The following SNX29 variants were observed in gnomAD, a reference collection of about 807,000 sequenced individuals.
SNX29 encodes the protein sorting nexin-29.
SNX29 carries 78 observed loss-of-function variants against 102.1 expected under a neutral mutation model. The ratio of observed to expected loss-of-function variants is 0.76; its 90% CI spans 0.64 to 0.92. The LOEUF (loss-of-function observed/expected upper bound fraction) is 0.92. Ranked by LOEUF, SNX29 falls within the 40% of genes least tolerant of loss-of-function variation. SNX29 has a pLI of 0.00. For synonymous variants in SNX29, 580 were observed against 414.5 expected (o/e 1.40, Z -4.85); for missense variants, 1,280 against 1,061.7 (o/e 1.21, Z -2.86).
intron 18 of SNX29, among the ~76,000 whole-genome samples, chr16:12,472,544 C>A (rs111562136): frequency 0.093 from 10,623 of 114,398 alleles, 510 homozygotes; most frequent in African/African-American, 0.18. Flanking sequence ...AAAAAAAAAA[C>A]AAAAAAAAAA....
chr16:12,499,666 C>T (rs1188841906), intron 19 of SNX29, among the ~76,000 whole-genome samples: 2 of 152,150 alleles, frequency 1.3e-5, no homozygotes, highest in Non-Finnish European at 2.9e-5. Flanking sequence ...CCACAATCTG[C>T]ATTCATTTAC....
chr16:12,148,825 G>C (rs2055175975), intron 13 of SNX29, among the ~76,000 whole-genome samples: 1 of 152,112 alleles, frequency 6.6e-6, no homozygotes, highest in Admixed American at 6.5e-5. Flanking sequence ...AACCTCCTGA[G>C]TAGCTGGGAT....
intron 20 of SNX29, among the ~76,000 whole-genome samples, chr16:12,540,125 T>C (rs2077262927): frequency 6.6e-6 from 1 of 152,180 alleles, no homozygotes; most frequent in African/African-American, 2.4e-5. Flanking sequence ...TTCTCCTAGG[T>C]TTTCCTCAAA....
chr16:12,041,981 G>C (rs1200957740), intron 4 of SNX29, among the ~76,000 whole-genome samples: 2 of 152,150 alleles, frequency 1.3e-5, no homozygotes, highest in Non-Finnish European at 2.9e-5. Context: ...AGAGGTTTTA[G>C]AGTCATTTTT....
At chr16:12,206,566 T>C (rs1383985699) in intron 14 of SNX29, among the ~76,000 whole-genome samples, 1 of 152,116 alleles carries the variant, frequency 6.6e-6, no homozygotes, top group Non-Finnish European at 1.5e-5. Flanking sequence ...TCCCTCACTG[T>C]GTGCTGGCCG....
At chr16:12,220,953 C>G (rs1172358932) in intron 14 of SNX29, among the ~76,000 whole-genome samples, 1 of 152,126 alleles carries the variant, frequency 6.6e-6, no homozygotes, top group African/African-American at 2.4e-5. Context: ...TGCACATTTT[C>G]TAAAAATGAA....
At chr16:12,238,071 C>G (rs1420013909) in intron 14 of SNX29, among the ~76,000 whole-genome samples, 1 of 152,146 alleles carries the variant, frequency 6.6e-6, no homozygotes, top group Non-Finnish European at 1.5e-5. Context: ...GTGAGACCTA[C>G]AAGCCAGAGA....
intron 19 of SNX29, among the ~76,000 whole-genome samples, chr16:12,512,123 G>T (rs931095876): frequency 6.6e-6 from 1 of 151,692 alleles, no homozygotes; most frequent in Non-Finnish European, 1.5e-5. Context: ...TGGCTTCGTG[G>T]TACAGGCAGC....
chr16:12,254,924 C>A (rs957599080), intron 14 of SNX29, among the ~76,000 whole-genome samples: 1 of 152,156 alleles, frequency 6.6e-6, no homozygotes, highest in Admixed American at 6.5e-5. Context: ...GTGGAGACAG[C>A]TCTTTCCAGG....
At chr16:12,461,976 A>AAAAAAAT (rs2086802658) in intron 18 of SNX29, among the ~76,000 whole-genome samples, 1 of 43,482 alleles carries the variant, frequency 2.3e-5, no homozygotes, top group African/African-American at 1.4e-4. Context: ...AAAAAAAAAA[A>AAAAAAAT]AAATATATAT....
intron 19 of SNX29, among the ~76,000 whole-genome samples, chr16:12,495,833 C>A (rs1322438883): frequency 1.3e-5 from 2 of 152,130 alleles, no homozygotes; most frequent in Non-Finnish European, 2.9e-5. Context: ...GCAGGTGGAT[C>A]ACTTGAGGTC....
intron 20 of SNX29, among the ~76,000 whole-genome samples, chr16:12,556,940 C>G (rs936300891): frequency 2.2e-4 from 4 of 18,144 alleles, no homozygotes; most frequent in African/African-American, 1.1e-3. Flanking sequence ...ACAGCCTCTG[C>G]CGCTCAGGCT....
At chr16:12,425,983 G>C (rs892478547) in intron 18 of SNX29, among the ~76,000 whole-genome samples, 1 of 151,956 alleles carries the variant, frequency 6.6e-6, no homozygotes, top group Non-Finnish European at 1.5e-5. Context: ...AGACCTTCAG[G>C]GATAGGCCTT....
At chr16:12,327,334 C>G (rs2151198112) in intron 15 of SNX29, among the ~76,000 whole-genome samples, 1 of 152,218 alleles carries the variant, frequency 6.6e-6, no homozygotes, top group Admixed American at 6.5e-5. Flanking sequence ...TATTAATTAG[C>G]TAGAGCTGCC....
chr16:12,532,536 A>G (rs1385339718), intron 20 of SNX29, among the ~76,000 whole-genome samples: 1 of 152,208 alleles, frequency 6.6e-6, no homozygotes, highest in African/African-American at 2.4e-5. Context: ...ATAACTTATG[A>G]TTTGGAGAAT....
intron 13 of SNX29, among the ~76,000 whole-genome samples, chr16:12,147,764 G>C (rs925038419): frequency 2.0e-5 from 3 of 152,168 alleles, no homozygotes; most frequent in African/African-American, 7.2e-5. Flanking sequence ...TTTCCGGTAC[G>C]GTTCACAAGG....
intron 3 of SNX29, among the ~76,000 whole-genome samples, chr16:12,022,308 C>A (rs1379767164): frequency 6.6e-6 from 1 of 151,752 alleles, no homozygotes; most frequent in South Asian, 2.1e-4. Context: ...TCAAGCGATT[C>A]TCCAGCCTCA....
chr16:12,350,952 C>T (rs1567466828), intron 15 of SNX29, among the ~76,000 whole-genome samples: 1 of 152,160 alleles, frequency 6.6e-6, no homozygotes, highest in Non-Finnish European at 1.5e-5. Flanking sequence ...CTCTGCAGTA[C>T]AAATGAATTG....
At position 12,403,212 on chromosome 16, in the gene SNX29, G is replaced by A. The variant is rs954852679; in HGVS notation, c.1956-236G>A. 2.0e-3 allele frequency among the ~76,000 whole-genome samples: 272 copies of A among 137,676 alleles called. 9 individuals carry two copies. The East Asian group carries it at 0.044, about 23-fold the overall frequency. 90.3% of individuals were successfully genotyped at this position (137,676 alleles called of 152,430 possible). A position where few individuals can be genotyped will look rare whatever the true frequency, so the allele number is the denominator to read the frequency against. ...ACAGATTGTGTGTGTATGTGTGTGT[G>A]TGTGTGTGTGTGTGTGTGTGTGTGT... On this transcript the variant is annotated intron_variant, in intron 17 of 20. Transcript: ENST00000566228.
Sources: gnomAD v4.1 joint callset for allele counts (sites outside exome capture counted in the v4.1 genomes callset) on GRCh38, gnomAD v4.1.1 for gene constraint, MANE v1.5 for transcripts, NCBI Gene and HGNC (gene_info 2026-07-23, HGNC 2026-07-21) for gene names.